RNGTT: variants seen among roughly 807,000 people sequenced by gnomAD.
RNGTT encodes mRNA-capping enzyme.
Under a neutral mutation model 79.3 loss-of-function variants are expected in RNGTT, and 33 were observed. The observed-to-expected ratio is 0.42, with a 90% CI of 0.32 to 0.56. The LOEUF (loss-of-function observed/expected upper bound fraction) is 0.56. Among genes scored for constraint, RNGTT ranks in the 20% least tolerant of loss-of-function variants. RNGTT has a pLI of 0.17. For synonymous variants in RNGTT, 222 were observed against 235.9 expected (o/e 0.94, Z 0.54); for missense variants, 497 against 739.1 (o/e 0.67, Z 3.80).
At chr6:88,918,140 T>C (rs1355438153) in intron 4 of RNGTT, among the ~76,000 whole-genome samples, 1 of 151,998 alleles carries the variant, frequency 6.6e-6, no homozygotes, top group Non-Finnish European at 1.5e-5. Context: ...CAACACAGTA[T>C]GACCCTGTCT....
At chr6:88,882,557 T>C (rs1320199896) in intron 8 of RNGTT, among the ~76,000 whole-genome samples, 1 of 152,132 alleles carries the variant, frequency 6.6e-6, no homozygotes, top group African/African-American at 2.4e-5. Flanking sequence ...TAAATAAAAT[T>C]TAAAAATTCA....
At chr6:88,773,516 G>A (rs1172020687) in intron 12 of RNGTT, among the ~76,000 whole-genome samples, 2 of 147,570 alleles carry the variant, frequency 1.4e-5, no homozygotes, top group East Asian at 4.0e-4. Flanking sequence ...AAAAAATCTT[G>A]AAAAAAGAAA....
intron 13 of RNGTT, among the ~76,000 whole-genome samples, chr6:88,748,898 C>G (rs1179742490): frequency 6.6e-6 from 1 of 151,822 alleles, no homozygotes; most frequent in Non-Finnish European, 1.5e-5. Context: ...CATACCGAGG[C>G]TCATCATAGT....
intron 13 of RNGTT, among the ~76,000 whole-genome samples, chr6:88,739,981 A>C (rs1162623683): frequency 5.3e-5 from 8 of 151,916 alleles, no homozygotes; most frequent in African/African-American, 1.9e-4. Context: ...AATAAAATTC[A>C]TTTATCAGTT....
intron 12 of RNGTT, among the ~76,000 whole-genome samples, chr6:88,798,019 T>C (rs921976340): frequency 6.6e-6 from 1 of 150,914 alleles, no homozygotes; most frequent in East Asian, 1.9e-4. Flanking sequence ...GGTAAGAGAC[T>C]GTTTGGTAAG....
chr6:88,785,535 C>A (rs972150097), intron 12 of RNGTT, among the ~76,000 whole-genome samples: 5 of 151,976 alleles, frequency 3.3e-5, no homozygotes, highest in Non-Finnish European at 7.4e-5. Flanking sequence ...TGGCACTTTG[C>A]TATTACAATT....
At chr6:88,786,105 T>TTTTCAAGA (rs1302706602) in intron 12 of RNGTT, among the ~76,000 whole-genome samples, 4 of 152,120 alleles carry the variant, frequency 2.6e-5, no homozygotes, top group African/African-American at 4.8e-5. Context: ...AACAAAAATA[T>TTTTCAAGA]TTTCAAGATT....
At chr6:88,801,351 T>C (rs74570361) in intron 12 of RNGTT, among the ~76,000 whole-genome samples, 3,080 of 152,302 alleles carry the variant, frequency 0.02, 96 homozygotes, top group African/African-American at 0.07. Flanking sequence ...GAAAAACAGA[T>C]GGGTGCTCAT....
chr6:88,729,439 CT>C (rs1222295473), intron 13 of RNGTT, among the ~76,000 whole-genome samples: 1 of 150,240 alleles, frequency 6.7e-6, no homozygotes, highest in African/African-American at 2.5e-5. Context: ...CCTTATGGGT[CT>C]TTTGACTCTC....
At chr6:88,685,164 C>T (rs1775230623) in intron 13 of RNGTT, among the ~76,000 whole-genome samples, 1 of 152,030 alleles carries the variant, frequency 6.6e-6, no homozygotes, top group Non-Finnish European at 1.5e-5. Flanking sequence ...GGATGTTGCA[C>T]AGGAAATTTT....
chr6:88,913,354 C>T (rs763580703), intron 4 of RNGTT, among the ~76,000 whole-genome samples: 10 of 151,914 alleles, frequency 6.6e-5, no homozygotes, highest in Non-Finnish European at 1.3e-4. Context: ...CTTCCTAACT[C>T]ATTCTACAAA....
In RNGTT at chr6:88,849,895, T is replaced by C. The variant is rs978795941; in HGVS notation, c.1033-69A>G. 24 of 1,398,408 alleles carry C rather than the reference T, an allele frequency of 1.7e-5. No individual in the cohort carries two copies. The African/African-American group carries it at 2.9e-4, about 17-fold the overall frequency. 86.6% of individuals were successfully genotyped at this position (1,398,408 alleles called of 1,614,324 possible). A position where few individuals can be genotyped will look rare whatever the true frequency, so the allele number is the denominator to read the frequency against. On this transcript the variant is annotated intron_variant, in intron 9 of 15. Coordinates refer to ENST00000369485, the MANE Select transcript of RNGTT (RefSeq NM_003800.5). ...AATTTTTTTTAATTTAATTGAAATATGGCATACACACAGTAAGCACATAAA... is the reference window on the plus strand; with the variant it reads ...AATTTTTTTTAATTTAATTGAAATACGGCATACACACAGTAAGCACATAAA...
chr6:88,677,731 C>T (rs1267889645), intron 14 of RNGTT, among the ~76,000 whole-genome samples: 2 of 152,090 alleles, frequency 1.3e-5, no homozygotes, highest in African/African-American at 4.8e-5. Context: ...CCCACCTCGG[C>T]CTCAAAAAGC....
At chr6:88,689,045 A>G (rs1775380847) in intron 13 of RNGTT, among the ~76,000 whole-genome samples, 1 of 152,168 alleles carries the variant, frequency 6.6e-6, no homozygotes, top group South Asian at 2.1e-4. Flanking sequence ...ACAGTAAGCT[A>G]TTAGTAGTTA....
At chr6:88,655,428 T>C (rs1280121804) in intron 14 of RNGTT, among the ~76,000 whole-genome samples, 1 of 152,226 alleles carries the variant, frequency 6.6e-6, no homozygotes, top group African/African-American at 2.4e-5. Context: ...ATCTATTGCA[T>C]ATGCACACGA....
At chr6:88,669,132 G>T (rs562646083) in intron 14 of RNGTT, among the ~76,000 whole-genome samples, 1 of 152,238 alleles carries the variant, frequency 6.6e-6, no homozygotes, top group East Asian at 1.9e-4. Flanking sequence ...ATGGAACTGG[G>T]CTTGACCCCC....
chr6:88,933,678 C>T (rs1013453617), intron 2 of RNGTT, among the ~76,000 whole-genome samples: 3 of 152,192 alleles, frequency 2.0e-5, no homozygotes, highest in Non-Finnish European at 2.9e-5. Context: ...ATTTGTCTTT[C>T]TGTGTCTGGC....
At chr6:88,869,235 G>C (rs1444104185) in intron 8 of RNGTT, among the ~76,000 whole-genome samples, 1 of 152,164 alleles carries the variant, frequency 6.6e-6, no homozygotes, top group Non-Finnish European at 1.5e-5. Context: ...ATTAGATCAA[G>C]TTAGGAAAAA....
intron 13 of RNGTT, among the ~76,000 whole-genome samples, chr6:88,709,681 C>T (rs1041031237): frequency 3.3e-5 from 5 of 152,174 alleles, no homozygotes; most frequent in Non-Finnish European, 7.4e-5. Flanking sequence ...ATTTTACATT[C>T]TTTCTTTTTG....
Sources: gnomAD v4.1 joint callset for allele counts (sites outside exome capture counted in the v4.1 genomes callset) on GRCh38, gnomAD v4.1.1 for gene constraint, MANE v1.5 for transcripts, NCBI Gene and HGNC (gene_info 2026-07-23, HGNC 2026-07-21) for gene names.